Variants in GOLGA6L9 observed in about 807,000 individuals in gnomAD.
The protein encoded by GOLGA6L9 is golgin subfamily A member 6-like protein 9.
In GOLGA6L9, 19 loss-of-function variants were observed where a neutral mutation model predicts 51.3. That is an observed-to-expected ratio of 0.37 (90% CI 0.26 to 0.54). The LOEUF is 0.54. Ranked by LOEUF, GOLGA6L9 falls within the 20% of genes least tolerant of loss-of-function variation. The probability of loss-of-function intolerance (pLI) is 0.83; values close to 1 mark genes in which losing one functional copy is unlikely to be tolerated. For missense variants in GOLGA6L9, 247 were observed against 464.1 expected (o/e 0.53, Z 4.30); for synonymous variants, 97 against 184.2 (o/e 0.53, Z 3.83).
upstream of GOLGA6L9, among the ~76,000 whole-genome samples, chr15:82,429,344 G>A (rs1442178367): frequency 3.9e-5 from 6 of 152,150 alleles, no homozygotes; most frequent in African/African-American, 1.4e-4. Context: ...CAAAGTGATG[G>A]CATTACAGGG....
chr15:82,420,465 ATTTTTAC>A, the GOLGA6L9 span, among the ~76,000 whole-genome samples: 1 of 151,820 alleles, frequency 6.6e-6, no homozygotes, highest in Non-Finnish European at 1.5e-5. Flanking sequence ...TTATTTACTT[ATTTTTAC>A]TTTTTTTGTT....
At chr15:82,420,903 A>G in the GOLGA6L9 span, among the ~76,000 whole-genome samples, 1 of 144,216 alleles carries the variant, frequency 6.9e-6, no homozygotes, top group Non-Finnish European at 1.5e-5. Context: ...GTGCTCTAAG[A>G]AACTTCCACT....
chr15:82,420,598 G>A, the GOLGA6L9 span, among the ~76,000 whole-genome samples: 52,785 of 151,868 alleles, frequency 0.35, 10,031 homozygotes, highest in East Asian at 0.6. Context: ...TATGGATGAG[G>A]CAACTGAAGG....
chr15:82,436,681 G>T lies in GOLGA6L9; in HGVS notation c.*270G>T, dbSNP rs2031702475. On this transcript the variant is annotated 3_prime_UTR_variant, in exon 9 of 9. Transcript: ENST00000618348. ...ATTTGTAAAAAGTTAAATGAGAGTG[G>T]GTCTTTCTCTCATGTTCACTCTGGC... 2 of 249,506 alleles carry T rather than the reference G, an allele frequency of 8.0e-6. No homozygotes were observed. The highest frequency in any genetic ancestry group is 5.4e-5 in the South Asian group (1 of 18,362). 15.5% of individuals were successfully genotyped at this position (249,506 alleles called of 1,614,324 possible). A position where few individuals can be genotyped will look rare whatever the true frequency, so the allele number is the denominator to read the frequency against.
At chr15:82,429,145 G>T (rs1290645051), upstream of GOLGA6L9, among the ~76,000 whole-genome samples, 610 of 151,448 alleles carry the variant, frequency 4.0e-3, 5 homozygotes, top group Non-Finnish European at 6.1e-3. Context: ...CATGAGCTTG[G>T]CTCACTGCAA....
chr15:82,432,219 G>C (rs1237954816), intron 2 of GOLGA6L9: 11 of 608,836 alleles, frequency 1.8e-5, no homozygotes, highest in Admixed American at 1.4e-4. Context: ...ATTCGTTATT[G>C]TTGCTTTTAT....
At chr15:82,423,911 AG>A in the GOLGA6L9 span, among the ~76,000 whole-genome samples, 1 of 132,990 alleles carries the variant, frequency 7.5e-6, no homozygotes, top group Non-Finnish European at 1.6e-5. Context: ...GAACTCCATG[AG>A]GGCAGGGTCT....
In GOLGA6L9 at chr15:82,434,308, G is replaced by T. The variant is rs1375553873; in HGVS notation, c.708G>T (p.Leu236=). ...GGCTACGTGAACAGGAGGAGAGGCT[G>T]TGTGAACAGGAGAAGCTGCCAGGGC... The part of the protein sequence containing the change: ...EERLREQEER[L]CEQEKLPGQE... Residue 236 remains leucine (L), a synonymous_variant, in exon 6 of 9, where the codon CTG becomes CTT. Coordinates refer to ENST00000618348, the MANE Select transcript of GOLGA6L9 (RefSeq NM_198181.4). 10 of 1,540,298 alleles carry T rather than the reference G, an allele frequency of 6.5e-6. No homozygotes were observed. The highest frequency in any genetic ancestry group is 6.1e-6 in the Non-Finnish European group (7 of 1,147,990).
chr15:82,425,040 AG>A (rs2031186878), upstream of GOLGA6L9, among the ~76,000 whole-genome samples: 1 of 118,080 alleles, frequency 8.5e-6, no homozygotes. Context: ...AGGATCCAGG[AG>A]GATCTAGGAG....
chr15:82,418,146 T>C, the GOLGA6L9 span, among the ~76,000 whole-genome samples: 23 of 152,320 alleles, frequency 1.5e-4, no homozygotes, highest in African/African-American at 3.8e-4. Context: ...TATTATTGAA[T>C]AATGTCATGA....
the GOLGA6L9 span, chr15:82,418,815 A>G: frequency 6.6e-6 from 1 of 152,252 alleles, no homozygotes; most frequent in South Asian, 2.1e-4. Flanking sequence ...CCATTGTCAG[A>G]GGAAAAACTC....
chr15:82,432,499 A>G, intron 2 of GOLGA6L9, 73 bp from the exon 3 acceptor site: 1 of 1,566,464 alleles, frequency 6.4e-7, no homozygotes, highest in Non-Finnish European at 8.6e-7. Flanking sequence ...TTGATGGGGG[A>G]AGAAAGGAAG....
At chr15:82,418,417 T>A in the GOLGA6L9 span, among the ~76,000 whole-genome samples, 1 of 152,330 alleles carries the variant, frequency 6.6e-6, no homozygotes, top group East Asian at 1.9e-4. Context: ...TCCACATAGA[T>A]CTAATCAGTG....
At chr15:82,417,476 T>A in the GOLGA6L9 span, among the ~76,000 whole-genome samples, 7 of 152,236 alleles carry the variant, frequency 4.6e-5, no homozygotes, top group African/African-American at 1.7e-4. Flanking sequence ...ATCTTACTTA[T>A]GTAGTGAAGG....
chr15:82,434,312 G>T lies in GOLGA6L9; in HGVS notation c.712G>T (p.Glu238Ter), dbSNP rs1436320013. Residue 238 changes from glutamate (E) to a stop codon, truncating the protein, a stop_gained, in exon 6 of 9, where the codon GAA (glutamate) becomes TAA (stop). Coordinates refer to ENST00000618348, the MANE Select transcript of GOLGA6L9 (RefSeq NM_198181.4). LOFTEE classifies it high-confidence loss of function. ...RLREQEERLCEQEKLPGQERL... is the reference protein window; with the variant it reads ...RLREQEERLC ...ACGTGAACAGGAGGAGAGGCTGTGT[G>T]AACAGGAGAAGCTGCCAGGGCAGGA... is the stretch of plus-strand genomic sequence containing the variant. 6.5e-6 allele frequency: 10 copies of T among 1,545,180 alleles called. No homozygotes were observed. In the African/African-American group the frequency reaches 1.1e-4, roughly 17 times the overall value.
In GOLGA6L9 at chr15:82,438,345, G is replaced by A. The variant is rs2401487; in HGVS notation, c.*1934G>A. The stretch of plus-strand genomic sequence containing the variant: ...CTGAATGTCAGTCTGAAAAATAAAT[G>A]TACTATATTAACTCAAATACCACTC... On this transcript the variant is annotated 3_prime_UTR_variant, in exon 9 of 9. Coordinates refer to ENST00000618348, the MANE Select transcript of GOLGA6L9 (RefSeq NM_198181.4). The A allele has an allele frequency of 3.6e-4, 54 of 150,296 alleles. 1 individual carries two copies. In the East Asian group the frequency reaches 7.2e-3, roughly 20 times the overall value. The allele number at this position is 150,296 out of a possible 1,614,324, so 9.3% of individuals were successfully genotyped here.
rs1376826883 is a variant in GOLGA6L9, at chr15:82,438,661, C to G, written c.*2250C>G. Reference sequence around the variant, plus strand: ...TGTAGGGAGTAAAGAATCAAAACACCTATTTAAAGACTGCAAAATATGATA... The same window carrying G: ...TGTAGGGAGTAAAGAATCAAAACACGTATTTAAAGACTGCAAAATATGATA... On this transcript the variant is annotated 3_prime_UTR_variant, in exon 9 of 9. Coordinates refer to ENST00000618348, the MANE Select transcript of GOLGA6L9 (RefSeq NM_198181.4). 6.8e-5 allele frequency: 9 copies of G among 132,976 alleles called. No homozygotes were observed. Among genetic ancestry groups the G allele is most frequent in the African/African-American group, 2.3e-4 (8 of 34,328 alleles). 8.2% of individuals were successfully genotyped at this position (132,976 alleles called of 1,614,324 possible). A position where few individuals can be genotyped will look rare whatever the true frequency, so the allele number is the denominator to read the frequency against.
chr15:82,429,541 C>G (rs1396228869), upstream of GOLGA6L9, among the ~76,000 whole-genome samples: 2 of 152,162 alleles, frequency 1.3e-5, no homozygotes, highest in Non-Finnish European at 2.9e-5. Context: ...CATTAATCAT[C>G]AAGAATGCTA....
upstream of GOLGA6L9, among the ~76,000 whole-genome samples, chr15:82,425,896 T>C (rs459615): frequency 1.3e-5 from 2 of 150,076 alleles, no homozygotes; most frequent in Non-Finnish European, 3.0e-5. Context: ...ACATAAATTC[T>C]GAAATGATAT....
Sources: allele counts gnomAD v4.1 joint callset (sites outside exome capture counted in the v4.1 genomes callset), GRCh38; gene constraint gnomAD v4.1.1; transcripts MANE v1.5; gene names NCBI Gene and HGNC (gene_info 2026-07-23, HGNC 2026-07-21).